Variants in RPS6KA2 observed in about 807,000 individuals in gnomAD.
RPS6KA2 encodes the protein ribosomal protein S6 kinase alpha-2.
A neutral mutation model predicts 91.8 loss-of-function variants in RPS6KA2; 42 were observed. The ratio of observed to expected loss-of-function variants is 0.46; its 90% CI spans 0.36 to 0.59. The LOEUF is 0.59. RPS6KA2 is among the 20% of genes least tolerant of loss of function. The pLI, the probability that RPS6KA2 is intolerant of heterozygous loss-of-function variation, is 0.00. For missense variants in RPS6KA2, 798 were observed against 978.5 expected (o/e 0.82, Z 2.46); for synonymous variants, 414 against 393.6 (o/e 1.05, Z -0.61).
intron 2 of RPS6KA2, among the ~76,000 whole-genome samples, chr6:166,644,756 C>T (rs1787555849): frequency 6.6e-6 from 1 of 152,228 alleles, no homozygotes; most frequent in African/African-American, 2.4e-5. Context: ...CCCCTAGTAC[C>T]TGTGAACATG....
rs558934397 is a variant in RPS6KA2, at chr6:166,764,042, G to A, written c.123+94158C>T. On this transcript the variant is annotated intron_variant, in intron 2 of 21. Transcript: ENST00000503859. ...CGGCTAGAAAGAATGCGAAGTGTTTGGGGAGTTGTGAGCGTGAGGAATTGC... is the reference window on the plus strand; with the variant it reads ...CGGCTAGAAAGAATGCGAAGTGTTTAGGGAGTTGTGAGCGTGAGGAATTGC... 2.6e-5 allele frequency among the ~76,000 whole-genome samples: 4 copies of A among 152,304 alleles called. No individual in the cohort carries two copies. The East Asian group carries it at 7.7e-4, about 29-fold the overall frequency.
rs192590971 is a variant in RPS6KA2, at chr6:166,776,339, C to G, written c.123+81861G>C. 2.7e-3 allele frequency among the ~76,000 whole-genome samples: 417 copies of G among 152,282 alleles called. 2 individuals are homozygous for G. The highest frequency in any genetic ancestry group is 9.3e-3 in the African/African-American group (388 of 41,538). On this transcript the variant is annotated intron_variant, in intron 2 of 21. Coordinates refer to the RPS6KA2 transcript ENST00000503859. ...GGACTGGAAGAGAGAGAATGGAGTCCCCGCACTGACTTTGAGACCGTCCTG... is the reference window on the plus strand; with the variant it reads ...GGACTGGAAGAGAGAGAATGGAGTCGCCGCACTGACTTTGAGACCGTCCTG...
chr6:166,503,618 A>T (rs1270371432), intron 6 of RPS6KA2, among the ~76,000 whole-genome samples: 3 of 152,170 alleles, frequency 2.0e-5, no homozygotes, highest in Admixed American at 2.0e-4. Flanking sequence ...GGGTGGCATT[A>T]ATCGGCCCCT....
At chr6:166,507,164 G>A (rs1782259532) in intron 5 of RPS6KA2, among the ~76,000 whole-genome samples, 1 of 152,068 alleles carries the variant, frequency 6.6e-6, no homozygotes, top group Admixed American at 6.5e-5. Context: ...CCTCTTCCCA[G>A]GATGGAAAGT....
At chr6:166,685,810 T>C (rs1455441367) in intron 2 of RPS6KA2, among the ~76,000 whole-genome samples, 1 of 152,194 alleles carries the variant, frequency 6.6e-6, no homozygotes, top group Non-Finnish European at 1.5e-5. Flanking sequence ...TACCACCTCC[T>C]TGCTGCCTTG....
chr6:166,702,620 C>G lies in RPS6KA2; in HGVS notation c.123+155580G>C, dbSNP rs138405609. The G allele has an allele frequency of 1.4e-4, 218 of 1,572,432 alleles. 1 individual carries two copies. The African/African-American group carries it at 2.6e-3, about 19-fold the overall frequency. On this transcript the variant is annotated intron_variant, in intron 2 of 21. Coordinates refer to the RPS6KA2 transcript ENST00000503859. ...TTCCGAATCCTTTGCCTTTTTGGGACCGAGTGCTCAACTTCTATGGGTTTC... is the reference window on the plus strand; with the variant it reads ...TTCCGAATCCTTTGCCTTTTTGGGAGCGAGTGCTCAACTTCTATGGGTTTC...
chr6:166,760,473 A>G (rs1256195932), intron 2 of RPS6KA2, among the ~76,000 whole-genome samples: 1 of 152,240 alleles, frequency 6.6e-6, no homozygotes, highest in Non-Finnish European at 1.5e-5. Context: ...CATCGCACAG[A>G]GTATGTGGGC....
chr6:166,480,083 G>A (rs1781134622), intron 10 of RPS6KA2, among the ~76,000 whole-genome samples: 1 of 152,062 alleles, frequency 6.6e-6, no homozygotes, highest in African/African-American at 2.4e-5. Context: ...ATTATTTGAG[G>A]TGGAATTACT....
At chr6:166,634,330 G>A (rs1197038026) in intron 2 of RPS6KA2, among the ~76,000 whole-genome samples, 1 of 152,172 alleles carries the variant, frequency 6.6e-6, no homozygotes, top group South Asian at 2.1e-4. Context: ...GCAGACCCAC[G>A]GGCTGAGGGG....
chr6:166,582,152 G>C (rs1448908294), intron 1 of RPS6KA2, among the ~76,000 whole-genome samples: 1 of 151,868 alleles, frequency 6.6e-6, no homozygotes, highest in Non-Finnish European at 1.5e-5. Context: ...ACGCCCACTG[G>C]GCAGGTGGGC....
At chr6:166,610,961 TTA>T in intron 1 of RPS6KA2, among the ~76,000 whole-genome samples, 1 of 152,320 alleles carries the variant, frequency 6.6e-6, no homozygotes, top group African/African-American at 2.4e-5. Flanking sequence ...TGGGAGAGTA[TTA>T]TGAGAATGAG....
intron 8 of RPS6KA2, among the ~76,000 whole-genome samples, chr6:166,497,306 G>A (rs1781822735): frequency 6.6e-6 from 1 of 152,216 alleles, no homozygotes; most frequent in Admixed American, 6.5e-5. Flanking sequence ...TGTCGTGCCT[G>A]TGCTCACGTG....
intron 3 of RPS6KA2, 144 bp from the exon 4 acceptor site, chr6:166,510,501 T>C: frequency 5.1e-6 from 2 of 390,900 alleles, no homozygotes; most frequent in Non-Finnish European, 9.1e-6. Flanking sequence ...AGTTGTACAA[T>C]AATCCTAGAT....
chr6:166,490,452 A>G lies in RPS6KA2; in HGVS notation c.818+219T>C, dbSNP rs1436082552. 1.3e-5 allele frequency among the ~76,000 whole-genome samples: 2 copies of G among 152,180 alleles called. No homozygotes were observed. The highest frequency in any genetic ancestry group is 4.8e-5 in the African/African-American group (2 of 41,434). ...AAACCAGCAACTGCTCCCTTGACCC[A>G]CTGTCATTAGAATGCCCAGCACCCT... On this transcript the variant is annotated intron_variant, in intron 9 of 20. Transcript: ENST00000265678. This position sits in a 1 kb window ranked among gnomAD's most constrained non-coding sequence, Gnocchi z 4.2.
At chr6:166,856,413 T>C (rs1460905366) in intron 2 of RPS6KA2, among the ~76,000 whole-genome samples, 1 of 152,214 alleles carries the variant, frequency 6.6e-6, no homozygotes, top group Non-Finnish European at 1.5e-5. Flanking sequence ...GCCTTAATTG[T>C]GGACTTCCCA....
chr6:166,837,158 G>A (rs1780339880), intron 2 of RPS6KA2, among the ~76,000 whole-genome samples: 1 of 152,192 alleles, frequency 6.6e-6, no homozygotes, highest in Admixed American at 6.5e-5. Flanking sequence ...GGGCTCCGAG[G>A]CCTCCTGTCC....
Position 166,437,208 on chromosome 6 carries a change from G to A in RPS6KA2, c.1333-4718C>T, listed in dbSNP as rs1256458800. The stretch of plus-strand genomic sequence containing the variant: ...GGACACACTGTTTAGGAGCACCAGG[G>A]AGTGGGCCCCAAGTGCCTGCCAGCG... On this transcript the variant is annotated intron_variant, in intron 14 of 20. Transcript: ENST00000265678. The surrounding 1 kb of genome is among the most constrained non-coding windows in gnomAD (Gnocchi z 4.3). 6.6e-6 allele frequency among the ~76,000 whole-genome samples: 1 copy of A among 152,106 alleles called. No individual in the cohort carries two copies. The highest frequency in any genetic ancestry group is 2.4e-5 in the African/African-American group (1 of 41,424).
intron 3 of RPS6KA2, among the ~76,000 whole-genome samples, chr6:166,529,609 G>A (rs566403368): frequency 2.0e-5 from 3 of 152,132 alleles, no homozygotes; most frequent in East Asian, 3.9e-4. Flanking sequence ...GTTAAATTAC[G>A]TTACAATTGA....
chr6:166,817,834 C>T (rs1031864107), intron 2 of RPS6KA2, among the ~76,000 whole-genome samples: 4 of 151,696 alleles, frequency 2.6e-5, no homozygotes, highest in Non-Finnish European at 5.9e-5. Context: ...GTGATTCTTC[C>T]GTTTCAGCCT....
Sources: gnomAD v4.1 joint callset for allele counts (sites outside exome capture counted in the v4.1 genomes callset) on GRCh38, gnomAD v4.1.1 for gene constraint, Gnocchi (gnomAD v3.1) non-coding constraint, MANE v1.5 for transcripts, NCBI Gene and HGNC (gene_info 2026-07-23, HGNC 2026-07-21) for gene names.